CHURC1: variants seen among roughly 807,000 people sequenced by gnomAD.
CHURC1 encodes churchill domain containing 1, also known as protein Churchill.
CHURC1 carries 12 observed loss-of-function variants against 15.4 expected under a neutral mutation model. That is an observed-to-expected ratio of 0.78 (90% CI 0.50 to 1.27). CHURC1 has a LOEUF of 1.27. Among genes scored for constraint, CHURC1 ranks in the 50% most tolerant of loss-of-function variants. The probability of loss-of-function intolerance (pLI) is 0.00; values close to 1 mark genes in which losing one functional copy is unlikely to be tolerated. For missense variants in CHURC1, 132 were observed against 137.8 expected (o/e 0.96, Z 0.21); for synonymous variants, 42 against 47.5 (o/e 0.88, Z 0.48).
At chr14:64,927,732 T>TCCCCCCCCCCCCCCCCCCCCCCCCCCCC (rs1566830855) in intron 3 of CHURC1, among the ~76,000 whole-genome samples, 4 of 106,674 alleles carry the variant, frequency 3.7e-5, no homozygotes, top group Non-Finnish European at 3.8e-5. Flanking sequence ...CCCCCCGCCG[T>TCCCCCCCCCCCCCCCCCCCCCCCCCCCC]CAATTCATAC....
chr14:64,922,510 G>C (rs1884375702), intron 1 of CHURC1, among the ~76,000 whole-genome samples: 1 of 150,684 alleles, frequency 6.6e-6, no homozygotes, highest in African/African-American at 2.4e-5. Flanking sequence ...CCTGGGAGGT[G>C]GAGCTTGCAG....
chr14:64,926,163 T>G, intron 3 of CHURC1, 83 bp downstream of exon 3: 1 of 1,003,778 alleles, frequency 1.0e-6, no homozygotes, highest in Non-Finnish European at 1.4e-6. Flanking sequence ...AAATACGGTT[T>G]TCATAAGTGA....
At chr14:64,922,760 A>C (rs942506268) in intron 1 of CHURC1, among the ~76,000 whole-genome samples, 120 of 113,388 alleles carry the variant, frequency 1.1e-3, no homozygotes, top group African/African-American at 7.3e-3. Flanking sequence ...CAATACATAG[A>C]AGGGAGAGAT....
rs1164320663 is a variant in CHURC1, at chr14:64,932,334, T to G, written c.*104T>G. On this transcript the variant is annotated 3_prime_UTR_variant, in exon 4 of 4. Transcript: ENST00000549115. ...TCATACTGAAAATTCTTTGCATATT[T>G]TTTTTCTGCTTAGACTTACTTATTC... 6.6e-7 allele frequency: 1 copy of G among 1,521,332 alleles called. No individual in the cohort carries two copies. Among genetic ancestry groups the G allele is most frequent in the Middle Eastern group, 1.8e-4 (1 of 5,698 alleles). The allele number at this position is 1,521,332 out of a possible 1,614,324, so 94.2% of individuals were successfully genotyped here.
intron 1 of CHURC1, among the ~76,000 whole-genome samples, chr14:64,919,164 T>G (rs1458894936): frequency 6.6e-6 from 1 of 152,198 alleles, no homozygotes; most frequent in Non-Finnish European, 1.5e-5. Flanking sequence ...GAACTAGAAC[T>G]CTACTACATT....
chr14:64,933,708 CAA>C lies in CHURC1; in HGVS notation c.*1481_*1482del, dbSNP rs1885199642. ...AATTTAAAGGGTCAGGCATTAGAAA[CAA>C]AAGTGTTTCTTCATATCTAGGAGAT... On this transcript the variant is annotated 3_prime_UTR_variant, in exon 4 of 4. Transcript: ENST00000549115. 1.0e-6 allele frequency: 1 copy of C among 985,362 alleles called. No individual in the cohort carries two copies. The highest frequency in any genetic ancestry group is 1.2e-6 in the Non-Finnish European group (1 of 829,904). The allele number at this position is 985,362 out of a possible 1,614,324, so 61.0% of individuals were successfully genotyped here. A position where few individuals can be genotyped will look rare whatever the true frequency, so the allele number is the denominator to read the frequency against.
intron 1 of CHURC1, among the ~76,000 whole-genome samples, chr14:64,917,986 A>G: frequency 6.6e-6 from 1 of 152,362 alleles, no homozygotes; most frequent in East Asian, 1.9e-4. Context: ...GGGTACAACT[A>G]TGTAGATAGA....
chr14:64,916,980 T>C (rs1883935583), intron 1 of CHURC1, among the ~76,000 whole-genome samples: 1 of 152,196 alleles, frequency 6.6e-6, no homozygotes, highest in African/African-American at 2.4e-5. Flanking sequence ...AAAATTTTAA[T>C]AGAGAAATGA....
At chr14:64,921,487 CTT>C (rs1566828254) in intron 1 of CHURC1, among the ~76,000 whole-genome samples, 1 of 152,030 alleles carries the variant, frequency 6.6e-6, no homozygotes, top group African/African-American at 2.4e-5. Flanking sequence ...AACAACCTAA[CTT>C]TTTGAAAATG....
intron 3 of CHURC1, among the ~76,000 whole-genome samples, chr14:64,927,732 T>TCCCCCCCCCCCCCCCCCCCCCCCC (rs1566830855): frequency 1.9e-5 from 2 of 106,668 alleles, no homozygotes; most frequent in Non-Finnish European, 3.8e-5. Context: ...CCCCCCGCCG[T>TCCCCCCCCCCCCCCCCCCCCCCCC]CAATTCATAC....
In CHURC1 at chr14:64,926,091, A is replaced by C. The variant is rs1299691250; in HGVS notation, c.246+11A>C. The C allele has an allele frequency of 6.4e-7, 1 of 1,558,350 alleles. No homozygotes were observed. Among genetic ancestry groups the C allele is most frequent in the African/African-American group, 1.4e-5 (1 of 73,338 alleles). ...ATGGATGAATTTCAGGTAAATATAA[A>C]TATGGGTATAAATATAAATATGGGG... On this transcript the variant is annotated intron_variant, in intron 3 of 3. Coordinates refer to ENST00000549115, the MANE Select transcript of CHURC1 (RefSeq NM_001386928.1).
intron 3 of CHURC1, chr14:64,931,078 C>G (rs1885052832): frequency 5.1e-6 from 1 of 194,836 alleles, no homozygotes; most frequent in African/African-American, 2.4e-5. Flanking sequence ...TGATCAATTT[C>G]CAGACAGCTA....
At chr14:64,930,065 C>G (rs79716233) in intron 3 of CHURC1, among the ~76,000 whole-genome samples, 2,407 of 149,354 alleles carry the variant, frequency 0.016, 70 homozygotes, top group African/African-American at 0.057. Flanking sequence ...TTAACAGGGA[C>G]TAATAGAGGA....
intron 3 of CHURC1, among the ~76,000 whole-genome samples, chr14:64,927,732 T>TCCCCACCCC (rs1566830855): frequency 9.4e-6 from 1 of 106,676 alleles, no homozygotes; most frequent in Non-Finnish European, 1.9e-5. Flanking sequence ...CCCCCCGCCG[T>TCCCCACCCC]CAATTCATAC....
intron 1 of CHURC1, among the ~76,000 whole-genome samples, chr14:64,922,308 G>T (rs889648927): frequency 4.6e-5 from 7 of 152,096 alleles, no homozygotes; most frequent in Admixed American, 1.3e-4. Flanking sequence ...GCTGGGCACA[G>T]TGGCTCATTC....
intron 3 of CHURC1, among the ~76,000 whole-genome samples, chr14:64,927,987 G>A (rs978226882): frequency 7.2e-5 from 11 of 151,994 alleles, no homozygotes; most frequent in Middle Eastern, 3.4e-3. Flanking sequence ...CAATATCCAA[G>A]CTCCTCATTT....
At chr14:64,917,761 G>A (rs1212174619) in intron 1 of CHURC1, among the ~76,000 whole-genome samples, 1 of 152,166 alleles carries the variant, frequency 6.6e-6, no homozygotes, top group Non-Finnish European at 1.5e-5. Flanking sequence ...CCTGTTTAAT[G>A]TAGAAGTGAA....
intron 3 of CHURC1, among the ~76,000 whole-genome samples, chr14:64,928,178 T>C (rs898177869): frequency 1.3e-5 from 2 of 152,206 alleles, no homozygotes; most frequent in Admixed American, 1.3e-4. Flanking sequence ...TCTCATGTTA[T>C]CGTCTTTCTT....
chr14:64,924,167 T>C (rs1254245051), intron 2 of CHURC1, 41 bp downstream of exon 2: 1 of 1,568,890 alleles, frequency 6.4e-7, no homozygotes. Context: ...TGTTAGCAGG[T>C]GTCAGCTTTT....
Sources: allele counts gnomAD v4.1 joint callset (sites outside exome capture counted in the v4.1 genomes callset), GRCh38; gene constraint gnomAD v4.1.1; transcripts MANE v1.5; gene names NCBI Gene and HGNC (gene_info 2026-07-23, HGNC 2026-07-21).